FBXO34: variants seen among roughly 807,000 people sequenced by gnomAD.
The protein encoded by FBXO34 is F-box protein 34, also known as F-box only protein 34.
FBXO34 carries 12 observed loss-of-function variants against 24.5 expected under a neutral mutation model. The observed-to-expected ratio is 0.49, with a 90% CI of 0.31 to 0.79. The LOEUF is 0.79. Ranked by LOEUF, FBXO34 falls within the 30% of genes least tolerant of loss-of-function variation. FBXO34 has a pLI of 0.04. For synonymous variants in FBXO34, 320 were observed against 311.9 expected (o/e 1.03, Z -0.27); for missense variants, 823 against 857.7 (o/e 0.96, Z 0.51).
the FBXO34 span, among the ~76,000 whole-genome samples, chr14:55,433,051 T>C: frequency 0.24 from 35,804 of 152,076 alleles, 7,252 homozygotes; most frequent in African/African-American, 0.56. Context: ...AAATTCACCT[T>C]AGAAACAAGT....
Position 55,351,587 on chromosome 14 carries a change from C to T in FBXO34, c.1197C>T (p.Asn399=), listed in dbSNP as rs1884379098. 1 of 1,614,222 alleles carries T rather than the reference C, an allele frequency of 6.2e-7. No homozygotes were observed. The highest frequency in any genetic ancestry group is 1.3e-5 in the African/African-American group (1 of 75,060). The part of the protein sequence containing the change: ...LEPGSQTAVK[N]SNRYDVEMTD... ...CGGGTTCGCAAACTGCCGTGAAAAA[C>T]AGCAACAGATATGATGTGGAAATGA... Residue 399 remains asparagine (N), a synonymous_variant, in exon 2 of 2, where the codon AAC becomes AAT. Coordinates refer to ENST00000313833, the MANE Select transcript of FBXO34 (RefSeq NM_017943.4).
intron 1 of FBXO34, among the ~76,000 whole-genome samples, chr14:55,291,202 A>G (rs897114896): frequency 3.3e-5 from 5 of 152,146 alleles, no homozygotes; most frequent in African/African-American, 1.2e-4. Context: ...TGGACAATAC[A>G]CTTGTTTTCT....
the FBXO34 span, among the ~76,000 whole-genome samples, chr14:55,380,968 AC>A: frequency 1.3e-5 from 2 of 150,894 alleles, no homozygotes; most frequent in South Asian, 2.1e-4. Context: ...ACCTGTGTGA[AC>A]CTGATAACGT....
chr14:55,395,687 A>G, the FBXO34 span, among the ~76,000 whole-genome samples: 1 of 152,236 alleles, frequency 6.6e-6, no homozygotes, highest in Non-Finnish European at 1.5e-5. Context: ...AAAGAATAAC[A>G]GCCCATTGTT....
chr14:55,440,351 G>A, the FBXO34 span: 2 of 1,610,854 alleles, frequency 1.2e-6, no homozygotes, highest in Non-Finnish European at 1.7e-6. Flanking sequence ...CACAGGACCG[G>A]GCGGGACTTG....
chr14:55,395,194 C>T, the FBXO34 span: 193,067 of 423,442 alleles, frequency 0.46, 45,783 homozygotes, highest in African/African-American at 0.65. Flanking sequence ...GGCTCTTCCT[C>T]TGTGGCCCAT....
intron 1 of FBXO34, among the ~76,000 whole-genome samples, chr14:55,317,420 G>T (rs909562664): frequency 1.2e-4 from 19 of 152,108 alleles, no homozygotes; most frequent in African/African-American, 3.6e-4. Context: ...GGCAGAGGTT[G>T]CAGTGACCCG....
chr14:55,439,925 T>G, the FBXO34 span, among the ~76,000 whole-genome samples: 3 of 24,918 alleles, frequency 1.2e-4, no homozygotes, highest in African/African-American at 4.0e-4. Context: ...AGCGAGACTC[T>G]GTCTCAAAAA....
chr14:55,329,660 G>T (rs74970706), intron 1 of FBXO34, among the ~76,000 whole-genome samples: 65 of 152,152 alleles, frequency 4.3e-4, no homozygotes, highest in Non-Finnish European at 6.8e-4. Context: ...AAATATCTGT[G>T]GACCTATTTT....
chr14:55,316,970 G>A (rs1250957873), intron 1 of FBXO34, among the ~76,000 whole-genome samples: 1 of 152,200 alleles, frequency 6.6e-6, no homozygotes, highest in Non-Finnish European at 1.5e-5. Flanking sequence ...CTCTGAATAT[G>A]CAAGTACGGC....
At chr14:55,430,005 A>G in the FBXO34 span, among the ~76,000 whole-genome samples, 1 of 152,094 alleles carries the variant, frequency 6.6e-6, no homozygotes, top group South Asian at 2.1e-4. Context: ...ACTCAACACA[A>G]GAAGGACAGG....
chr14:55,380,869 ATATATATTT>A, the FBXO34 span, among the ~76,000 whole-genome samples: 1 of 92,908 alleles, frequency 1.1e-5, no homozygotes, highest in Non-Finnish European at 2.0e-5. Context: ...ATATATATAT[ATATATATTT>A]TTTTTTTTTT....
intron 1 of FBXO34, among the ~76,000 whole-genome samples, chr14:55,301,508 A>C (rs76538268): frequency 0.011 from 1,703 of 152,174 alleles, 14 homozygotes; most frequent in Middle Eastern, 0.027. Context: ...TTATTTTCTT[A>C]AACATGAAGA....
At chr14:55,311,838 C>T (rs1370328133) in intron 1 of FBXO34, among the ~76,000 whole-genome samples, 4 of 151,210 alleles carry the variant, frequency 2.6e-5, no homozygotes, top group African/African-American at 9.7e-5. Flanking sequence ...AGAAATTCTC[C>T]TGCCTTAGCC....
At chr14:55,439,787 C>T in the FBXO34 span, among the ~76,000 whole-genome samples, 1 of 151,624 alleles carries the variant, frequency 6.6e-6, no homozygotes, top group African/African-American at 2.4e-5. Context: ...AAAAATTAGC[C>T]GGGCGTAGTG....
chr14:55,274,579 C>T (rs1756630647), intron 1 of FBXO34, among the ~76,000 whole-genome samples: 1 of 152,170 alleles, frequency 6.6e-6, no homozygotes, highest in South Asian at 2.1e-4. Flanking sequence ...CGTTATCCAT[C>T]TTTCTGATGG....
the FBXO34 span, among the ~76,000 whole-genome samples, chr14:55,421,029 G>C: frequency 1.7e-4 from 23 of 137,428 alleles, no homozygotes; most frequent in Non-Finnish European, 2.9e-4. Flanking sequence ...CCACTGCACT[G>C]CAGCCTGGGC....
chr14:55,396,843 A>T, the FBXO34 span, among the ~76,000 whole-genome samples: 1 of 152,064 alleles, frequency 6.6e-6, no homozygotes, highest in South Asian at 2.1e-4. Context: ...GATTCCCACC[A>T]TTCCCCCCCA....
chr14:55,402,706 G>A, the FBXO34 span, among the ~76,000 whole-genome samples: 2 of 150,600 alleles, frequency 1.3e-5, no homozygotes, highest in East Asian at 1.9e-4. Context: ...TTTAGGATAT[G>A]AGAAAGCATA....
Sources: allele counts gnomAD v4.1 joint callset (sites outside exome capture counted in the v4.1 genomes callset), GRCh38; gene constraint gnomAD v4.1.1; transcripts MANE v1.5; gene names NCBI Gene and HGNC (gene_info 2026-07-23, HGNC 2026-07-21).